The following C10orf90 variants were observed in gnomAD, a reference collection of about 807,000 sequenced individuals.
The protein encoded by C10orf90 is (E2-independent) E3 ubiquitin-conjugating enzyme FATS.
Under a neutral mutation model 62.5 loss-of-function variants are expected in C10orf90, and 56 were observed. The ratio of observed to expected loss-of-function variants is 0.90; its 90% CI spans 0.72 to 1.12. The LOEUF (loss-of-function observed/expected upper bound fraction) is 1.12. Among genes scored for constraint, C10orf90 ranks in the 50% most tolerant of loss-of-function variants. The pLI is 0.00. For missense variants in C10orf90, 970 were observed against 880.4 expected, an observed-to-expected ratio of 1.10 and a Z score of -1.29; for synonymous variants, 386 against 340.4, an observed-to-expected ratio of 1.13 and a Z score of -1.47.
intron 2 of C10orf90, among the ~76,000 whole-genome samples, chr10:126,524,996 G>A (rs1169904604): frequency 2.0e-5 from 3 of 152,206 alleles, no homozygotes; most frequent in African/African-American, 7.2e-5. Context: ...CCTTGCAGGT[G>A]GGTGGCAGAA....
At chr10:126,603,946 G>A (rs1046317421) in intron 2 of C10orf90, among the ~76,000 whole-genome samples, 5 of 152,148 alleles carry the variant, frequency 3.3e-5, no homozygotes, top group Admixed American at 6.5e-5. Flanking sequence ...CCTCCCCTTC[G>A]ACTCAAAGGT....
intron 4 of C10orf90, among the ~76,000 whole-genome samples, chr10:126,466,300 T>C (rs190936529): frequency 6.6e-6 from 1 of 151,888 alleles, no homozygotes; most frequent in Non-Finnish European, 1.5e-5. Flanking sequence ...GATCACGAGG[T>C]CAGGAGATCG....
At chr10:126,650,898 C>T (rs1197030377) in intron 1 of C10orf90, among the ~76,000 whole-genome samples, 1 of 152,182 alleles carries the variant, frequency 6.6e-6, no homozygotes, top group African/African-American at 2.4e-5. Flanking sequence ...CCCCAGCCAC[C>T]TGCCACTTCA....
chr10:126,562,027 C>T (rs1321670103), intron 2 of C10orf90, among the ~76,000 whole-genome samples: 1 of 152,178 alleles, frequency 6.6e-6, no homozygotes, highest in Non-Finnish European at 1.5e-5. Context: ...GCTGGAGAGT[C>T]CTGGGTGCCG....
chr10:126,481,654 G>C (rs1590982399), intron 4 of C10orf90, among the ~76,000 whole-genome samples: 1 of 152,328 alleles, frequency 6.6e-6, no homozygotes, highest in East Asian at 1.9e-4. Flanking sequence ...GCAGGTACCA[G>C]CGTTGGGGCT....
At position 126,459,119 on chromosome 10, in the gene C10orf90, C is replaced by T. The variant is rs781040534; in HGVS notation, c.2109G>A (p.Lys703=). The part of the protein sequence containing the change: ...HMVQQRKAQR[K]EDLRQKQSLL... ...GGCTCTGCTTCTGCCTCAGGTCCTC[C>T]TTCCGCTGGGCTTTCCTCTGCTGGA... Residue 703 remains lysine (K), a synonymous_variant, in exon 7 of 10, where the codon AAG becomes AAA. Coordinates refer to ENST00000488181, the MANE Select transcript of C10orf90 (RefSeq NM_001350921.2). 7.4e-6 allele frequency: 12 copies of T among 1,614,194 alleles called. No homozygotes were observed. Among genetic ancestry groups the T allele is most frequent in the Non-Finnish European group, 1.0e-5 (12 of 1,180,046 alleles).
chr10:126,461,368 A>C, intron 6 of C10orf90, 33 bp downstream of exon 6: 6 of 1,607,290 alleles, frequency 3.7e-6, no homozygotes, highest in Non-Finnish European at 5.1e-6. Context: ...TCCCTTTGGC[A>C]GGAATCAAGC....
At chr10:126,642,358 C>A (rs938609285) in intron 2 of C10orf90, among the ~76,000 whole-genome samples, 2 of 152,060 alleles carry the variant, frequency 1.3e-5, no homozygotes, top group Non-Finnish European at 2.9e-5. Context: ...TGGTGAAACC[C>A]CGTCTCTACT....
intron 7 of C10orf90, among the ~76,000 whole-genome samples, chr10:126,458,406 C>T (rs1038025911): frequency 1.3e-5 from 2 of 152,168 alleles, no homozygotes; most frequent in Non-Finnish European, 2.9e-5. Flanking sequence ...TCCTTACCCT[C>T]ATTTCTTTTT....
At chr10:126,614,682 G>T (rs1340992497) in intron 2 of C10orf90, among the ~76,000 whole-genome samples, 5 of 152,110 alleles carry the variant, frequency 3.3e-5, no homozygotes, top group South Asian at 2.1e-4. Context: ...GCTAGGGAAG[G>T]TTCATCAAAC....
At chr10:126,498,767 C>A (rs1206376878) in intron 4 of C10orf90, among the ~76,000 whole-genome samples, 1 of 152,214 alleles carries the variant, frequency 6.6e-6, no homozygotes, top group Non-Finnish European at 1.5e-5. Context: ...AGGGCCCAGG[C>A]CCTTATGGCA....
chr10:126,528,839 C>T (rs992539402), intron 2 of C10orf90, among the ~76,000 whole-genome samples: 17 of 152,058 alleles, frequency 1.1e-4, no homozygotes, highest in African/African-American at 3.4e-4. Flanking sequence ...TATGTGTGAG[C>T]GGGAGAGGAT....
At chr10:126,560,096 A>G (rs1478920720) in intron 2 of C10orf90, among the ~76,000 whole-genome samples, 1 of 152,164 alleles carries the variant, frequency 6.6e-6, no homozygotes, top group Non-Finnish European at 1.5e-5. Context: ...GCTCTTAACA[A>G]TAAATATTAT....
At position 126,620,308 on chromosome 10, in the gene C10orf90, C is replaced by T. The variant is rs796198560; in HGVS notation, c.313+26257G>A. Among the ~76,000 whole-genome samples the T allele has an allele frequency of 1.1e-4, 16 of 152,272 alleles. 1 individual carries two copies. The highest frequency in any genetic ancestry group is 3.6e-4 in the African/African-American group (15 of 41,558). ...ATACAAATTTCCAACTGAGTCAGGA[C>T]CATTTTCCCCCTGCGTCATTGCTGT... is the stretch of plus-strand genomic sequence containing the variant. On this transcript the variant is annotated intron_variant, in intron 2 of 9. Transcript: ENST00000488181.
intron 4 of C10orf90, among the ~76,000 whole-genome samples, chr10:126,478,908 G>T (rs762721609): frequency 5.9e-5 from 9 of 152,126 alleles, no homozygotes; most frequent in Non-Finnish European, 1.3e-4. Context: ...TGCAAAACAG[G>T]AATGAAGCGG....
intron 7 of C10orf90, among the ~76,000 whole-genome samples, chr10:126,451,737 C>G (rs1365852287): frequency 1.3e-5 from 2 of 151,908 alleles, no homozygotes; most frequent in African/African-American, 4.8e-5. Flanking sequence ...CAACGGAATA[C>G]TATACAGTCT....
At position 126,504,298 on chromosome 10, in the gene C10orf90, A is replaced by T. The variant is rs551343896; in HGVS notation, c.1193T>A (p.Leu398Ter). ...SLNLNCSSHR[L>*]TADGVDGLVN... ...TAGGCCATCTACTCCATCTGCTGTT[A>T]ATCTGTGGGAACTACAATTGAGGTT... Residue 398 changes from leucine to a stop codon, truncating the protein, a stop_gained, in exon 4 of 10, where the codon TTA becomes TAA. Transcript: ENST00000488181. LOFTEE classifies it high-confidence loss of function. This position sits in a 1 kb window ranked among gnomAD's most constrained non-coding sequence, Gnocchi z 4.1. 1.4e-5 allele frequency: 23 copies of T among 1,613,802 alleles called. No homozygotes were observed. The highest frequency in any genetic ancestry group is 1.9e-5 in the Non-Finnish European group (22 of 1,179,992).
intron 2 of C10orf90, among the ~76,000 whole-genome samples, chr10:126,594,198 A>G (rs1308139017): frequency 6.6e-6 from 1 of 150,842 alleles, no homozygotes; most frequent in Non-Finnish European, 1.5e-5. Context: ...TTCCTAAGTG[A>G]TAAGAGCAAG....
At chr10:126,662,663 C>T (rs1564914779) in intron 1 of C10orf90, among the ~76,000 whole-genome samples, 3 of 152,190 alleles carry the variant, frequency 2.0e-5, no homozygotes, top group Admixed American at 2.0e-4. Context: ...CTCTGTCCCC[C>T]CACGCCTGGA....
Sources: allele counts gnomAD v4.1 joint callset (sites outside exome capture counted in the v4.1 genomes callset), GRCh38; gene constraint gnomAD v4.1.1; non-coding constraint Gnocchi (gnomAD v3.1); transcripts MANE v1.5; gene names NCBI Gene and HGNC (gene_info 2026-07-23, HGNC 2026-07-21).